The following GALNTL6 variants were observed in gnomAD, a reference collection of about 807,000 sequenced individuals.
GALNTL6 encodes polypeptide N-acetylgalactosaminyltransferase-like 6.
A neutral mutation model predicts 73.7 loss-of-function variants in GALNTL6; 46 were observed. That is an observed-to-expected ratio of 0.62 (90% CI 0.49 to 0.80). The LOEUF (loss-of-function observed/expected upper bound fraction) is 0.80, where lower values mean the gene tolerates loss of function less well. GALNTL6 is among the 30% of genes least tolerant of loss of function. The pLI, the probability that GALNTL6 is intolerant of heterozygous loss-of-function variation, is 0.00. For synonymous variants in GALNTL6, 259 were observed against 263.7 expected (o/e 0.98, Z 0.17); for missense variants, 604 against 755.0 (o/e 0.80, Z 2.34).
rs529018897 is a variant in GALNTL6, at chr4:172,253,575, T to C, written c.247+23811T>C. Reference sequence around the variant, plus strand: ...GCCCTGCTATTCTTTTACACATAGCTAATACTGAATAGCAACCAGTATAAT... The same window carrying C: ...GCCCTGCTATTCTTTTACACATAGCCAATACTGAATAGCAACCAGTATAAT... On this transcript the variant is annotated intron_variant, in intron 3 of 12. Coordinates refer to ENST00000506823, the MANE Select transcript of GALNTL6 (RefSeq NM_001034845.3). Among the ~76,000 whole-genome samples, 3 of 152,064 alleles carry C rather than the reference T, an allele frequency of 2.0e-5. No individual in the cohort carries two copies. In the South Asian group the frequency reaches 6.2e-4, roughly 31 times the overall value.
chr4:172,083,066 TA>T (rs1731927267), intron 2 of GALNTL6, among the ~76,000 whole-genome samples: 1 of 152,200 alleles, frequency 6.6e-6, no homozygotes, highest in African/African-American at 2.4e-5. Flanking sequence ...ACAAAAACTT[TA>T]GTGTTATCTT....
intron 2 of GALNTL6, among the ~76,000 whole-genome samples, chr4:172,133,870 G>A (rs1004717478): frequency 4.6e-5 from 7 of 152,158 alleles, no homozygotes; most frequent in African/African-American, 1.7e-4. Flanking sequence ...AAGATCACAT[G>A]ATAAATTATC....
chr4:172,764,294 T>A (rs1738282304), intron 5 of GALNTL6, among the ~76,000 whole-genome samples: 1 of 152,208 alleles, frequency 6.6e-6, no homozygotes, highest in Admixed American at 6.5e-5. Context: ...AGAAAATAAT[T>A]TATTACACAA....
In GALNTL6 at chr4:172,380,223, C is replaced by G. The variant is rs145742077; in HGVS notation, c.553+31534C>G. 1.6e-3 allele frequency: 1,506 copies of G among 955,206 alleles called. 19 individuals carry two copies. The highest frequency in any genetic ancestry group is 0.013 in the South Asian group (987 of 77,802). 59.2% of individuals were successfully genotyped at this position (955,206 alleles called of 1,614,324 possible). A position where few individuals can be genotyped will look rare whatever the true frequency, so the allele number is the denominator to read the frequency against. On this transcript the variant is annotated intron_variant, in intron 5 of 12. Coordinates refer to ENST00000506823, the MANE Select transcript of GALNTL6 (RefSeq NM_001034845.3). ...GGGGACCACTTACCTTTCAAAATAT[C>G]TTAACGTATTCTCCCCAACTTGTCT...
chr4:173,028,056 TTA>T (rs1435154908), intron 12 of GALNTL6, among the ~76,000 whole-genome samples: 1 of 152,112 alleles, frequency 6.6e-6, no homozygotes, highest in Non-Finnish European at 1.5e-5. Context: ...TGTTCAAGGA[TTA>T]TGTCTCAATA....
rs184925808 is a variant in GALNTL6, at chr4:172,190,185, A to G, written c.139-39471A>G. Among the ~76,000 whole-genome samples the G allele has an allele frequency of 2.6e-4, 40 of 152,292 alleles. No individual in the cohort carries two copies. In the East Asian group the frequency reaches 5.6e-3, roughly 21 times the overall value. ...TCTTTGTCTTCCCCATTATAGCCAC[A>G]TTTCTTTAAAAAATAAAACAAAAAC... On this transcript the variant is annotated intron_variant, in intron 2 of 12. Transcript: ENST00000506823.
intron 5 of GALNTL6, among the ~76,000 whole-genome samples, chr4:172,439,465 T>C (rs753800990): frequency 1.3e-4 from 13 of 101,308 alleles, no homozygotes; most frequent in Non-Finnish European, 2.5e-4. Context: ...CTGGTTGTTA[T>C]GTCTTACTCT....
At chr4:172,524,117 TA>T (rs1389527410) in intron 5 of GALNTL6, among the ~76,000 whole-genome samples, 8 of 152,350 alleles carry the variant, frequency 5.3e-5, no homozygotes, top group Non-Finnish European at 7.3e-5. Context: ...TTTAAAACTT[TA>T]TATAAATGAA....
At chr4:172,694,124 CTT>C (rs5864154) in intron 5 of GALNTL6, among the ~76,000 whole-genome samples, 50 of 146,636 alleles carry the variant, frequency 3.4e-4, no homozygotes, top group Admixed American at 4.7e-4. Context: ...TGCACTATTT[CTT>C]TTTTTTTTTT....
At chr4:172,310,074 A>C (rs918683837) in intron 3 of GALNTL6, among the ~76,000 whole-genome samples, 1 of 152,186 alleles carries the variant, frequency 6.6e-6, no homozygotes, top group Non-Finnish European at 1.5e-5. Context: ...CAGAAAAATA[A>C]ACATGTTATC....
intron 5 of GALNTL6, among the ~76,000 whole-genome samples, chr4:172,662,947 A>C (rs1438132039): frequency 6.6e-6 from 1 of 152,196 alleles, no homozygotes; most frequent in Non-Finnish European, 1.5e-5. Flanking sequence ...TACCTGGATA[A>C]GGAGAAATCT....
chr4:172,527,402 A>G (rs1354164425), intron 5 of GALNTL6, among the ~76,000 whole-genome samples: 1 of 152,222 alleles, frequency 6.6e-6, no homozygotes, highest in Non-Finnish European at 1.5e-5. Context: ...AGTTATAATG[A>G]TATAAATGAC....
chr4:171,893,410 T>C (rs1736816837), intron 2 of GALNTL6, among the ~76,000 whole-genome samples: 1 of 152,124 alleles, frequency 6.6e-6, no homozygotes, highest in Admixed American at 6.5e-5. Context: ...CAAACATGAG[T>C]CTGTCTTTCT....
intron 5 of GALNTL6, among the ~76,000 whole-genome samples, chr4:172,462,533 T>C (rs946954573): frequency 3.9e-5 from 6 of 152,206 alleles, no homozygotes; most frequent in African/African-American, 1.4e-4. Flanking sequence ...AGTGTCACTT[T>C]CAGTAAACTT....
intron 2 of GALNTL6, among the ~76,000 whole-genome samples, chr4:172,189,249 A>C (rs1036711684): frequency 2.0e-5 from 3 of 152,202 alleles, no homozygotes; most frequent in African/African-American, 7.2e-5. Flanking sequence ...TCAGAGATCA[A>C]CCAATAATTA....
At chr4:172,425,070 T>C (rs919072585) in intron 5 of GALNTL6, among the ~76,000 whole-genome samples, 1 of 152,096 alleles carries the variant, frequency 6.6e-6, no homozygotes, top group African/African-American at 2.4e-5. Context: ...TTTATGCATA[T>C]ACTACAGATG....
Position 172,952,278 on chromosome 4 carries a change from A to C in GALNTL6, c.1371+20A>C, listed in dbSNP as rs773179108. The C allele has an allele frequency of 5.7e-6, 9 of 1,578,056 alleles. No individual in the cohort carries two copies. Among genetic ancestry groups the C allele is most frequent in the Non-Finnish European group, 6.1e-6 (7 of 1,148,480 alleles). ...GGGGAGGTGAGGAAAGGTTGCCTGA[A>C]ACCTGCGCCTACCTATGAGACTGTG... On this transcript the variant is annotated intron_variant, in intron 10 of 12. Transcript: ENST00000506823.
intron 2 of GALNTL6, among the ~76,000 whole-genome samples, chr4:172,203,007 A>G (rs764177620): frequency 2.6e-5 from 4 of 152,228 alleles, no homozygotes; most frequent in Non-Finnish European, 5.9e-5. Flanking sequence ...GTTTACAAAT[A>G]ATAGAGTTTA....
At chr4:172,710,552 T>C (rs1233576921) in intron 5 of GALNTL6, among the ~76,000 whole-genome samples, 1 of 152,172 alleles carries the variant, frequency 6.6e-6, no homozygotes, top group East Asian at 1.9e-4. Context: ...CCTCAAGCTA[T>C]TTTAACTCGA....
Sources: allele counts gnomAD v4.1 joint callset (sites outside exome capture counted in the v4.1 genomes callset), GRCh38; gene constraint gnomAD v4.1.1; transcripts MANE v1.5; gene names NCBI Gene and HGNC (gene_info 2026-07-23, HGNC 2026-07-21).